Variants in RELN observed in about 807,000 individuals in gnomAD.
RELN encodes reelin.
In RELN, 108 loss-of-function variants were observed where a neutral mutation model predicts 427.6. The ratio of observed to expected loss-of-function variants is 0.25; its 90% confidence interval spans 0.22 to 0.30. The LOEUF (loss-of-function observed/expected upper bound fraction) is 0.30. RELN is among the 10% of genes least tolerant of loss of function. The pLI is 1.00. For synonymous variants in RELN, 1,524 were observed against 1,513.4 expected, an observed-to-expected ratio of 1.01 and a Z score of -0.16; for missense variants, 3,715 against 4,302.8, an observed-to-expected ratio of 0.86 and a Z score of 3.82.
chr7:103,518,641 T>C (rs1237730552), intron 49 of RELN, among the ~76,000 whole-genome samples: 1 of 151,930 alleles, frequency 6.6e-6, no homozygotes, highest in Non-Finnish European at 1.5e-5. Context: ...CAGCATGTGT[T>C]TCCTGTCTGG....
chr7:103,577,944 C>G (rs576923639), intron 28 of RELN, among the ~76,000 whole-genome samples: 1 of 152,322 alleles, frequency 6.6e-6, no homozygotes, highest in East Asian at 1.9e-4. Context: ...GCTTCAGGCT[C>G]TCTCACCTGG....
At chr7:103,761,658 A>G (rs1791303631) in intron 4 of RELN, among the ~76,000 whole-genome samples, 2 of 151,422 alleles carry the variant, frequency 1.3e-5, no homozygotes, top group Non-Finnish European at 1.5e-5. Context: ...ATCTTACCAC[A>G]TTGCCCAGGC....
chr7:103,603,155 T>C lies in RELN; in HGVS notation c.3333+149A>G, dbSNP rs911026836. 9 of 733,296 alleles carry C rather than the reference T, an allele frequency of 1.2e-5. No homozygotes were observed. The highest frequency in any genetic ancestry group is 4.4e-5 in the South Asian group (3 of 67,538). The allele number at this position is 733,296 out of a possible 1,614,324, so 45.4% of individuals were successfully genotyped here. A position where few individuals can be genotyped will look rare whatever the true frequency, so the allele number is the denominator to read the frequency against. The stretch of plus-strand genomic sequence containing the variant: ...AGAACAACAAGAATTTCCCAAGACA[T>C]AGCTAAGGAATAGGAATTTGATAGA... On this transcript the variant is annotated intron_variant, in intron 24 of 64. Coordinates refer to ENST00000428762, the MANE Select transcript of RELN (RefSeq NM_005045.4). This position sits in a 1 kb window ranked among gnomAD's most constrained non-coding sequence, Gnocchi z 4.3.
intron 4 of RELN, among the ~76,000 whole-genome samples, chr7:103,774,612 C>T (rs1451633002): frequency 6.6e-6 from 1 of 152,072 alleles, no homozygotes; most frequent in African/African-American, 2.4e-5. Context: ...TTACCCAATA[C>T]ATAAAAAATG....
Position 103,707,551 on chromosome 7 carries a change from T to C in RELN, c.806-6545A>G, listed in dbSNP as rs191681797. Among the ~76,000 whole-genome samples the C allele has an allele frequency of 5.1e-3, 772 of 151,186 alleles. 8 individuals carry two copies. Among genetic ancestry groups the C allele is most frequent in the South Asian group, 0.03 (145 of 4,782 alleles). On this transcript the variant is annotated intron_variant, in intron 8 of 64. Transcript: ENST00000428762. Reference sequence around the variant, plus strand: ...GTCTCGCTCTGTCGCCAGGCTGGAGTGCAATGGCGCGATCTCGGCTCACTG... The same window carrying C: ...GTCTCGCTCTGTCGCCAGGCTGGAGCGCAATGGCGCGATCTCGGCTCACTG...
At chr7:103,646,064 T>C (rs1304269728) in intron 16 of RELN, among the ~76,000 whole-genome samples, 1 of 151,458 alleles carries the variant, frequency 6.6e-6, no homozygotes, top group Admixed American at 6.6e-5. Flanking sequence ...ACACAGAAAT[T>C]AAAAAAAATT....
chr7:103,753,625 T>G lies in RELN; in HGVS notation c.545-411A>C, dbSNP rs187214774. ...AGCTTCAAGGAAAACAAGGGTTTAT[T>G]TGCAAACTAGCTGGAAAAGTAGGAA... On this transcript the variant is annotated intron_variant, in intron 4 of 64. Coordinates refer to ENST00000428762, the MANE Select transcript of RELN (RefSeq NM_005045.4). Among the ~76,000 whole-genome samples, 70 of 152,338 alleles carry G rather than the reference T, an allele frequency of 4.6e-4. No individual in the cohort carries two copies. In the South Asian group the frequency reaches 0.014, roughly 30 times the overall value.
In RELN at chr7:103,565,355, G is replaced by A. The variant is rs1442349887; in HGVS notation, c.5133C>T (p.Tyr1711=). ...CVPPTIGCLH[Y]TESSIYTSER... Reference sequence around the variant, plus strand: ...CCGAGGTGTAAATTGAACTTTCCGTGTAATGCAGACAGCCAATGGTTGGAG... The same window carrying A: ...CCGAGGTGTAAATTGAACTTTCCGTATAATGCAGACAGCCAATGGTTGGAG... Residue 1711 remains tyrosine (Y), a synonymous_variant, in exon 34 of 65, where the codon TAC becomes TAT. Coordinates refer to ENST00000428762, the MANE Select transcript of RELN (RefSeq NM_005045.4). The A allele has an allele frequency of 1.9e-6, 3 of 1,613,972 alleles. No individual in the cohort carries two copies. The highest frequency in any genetic ancestry group is 1.7e-5 in the Admixed American group (1 of 59,986).
At chr7:103,974,009 G>A (rs1796818780) in intron 1 of RELN, among the ~76,000 whole-genome samples, 1 of 152,122 alleles carries the variant, frequency 6.6e-6, no homozygotes, top group African/African-American at 2.4e-5. Flanking sequence ...CAGGCATGGT[G>A]GTGCATGCCT....
In RELN at chr7:103,885,531, G is replaced by T. The variant is rs149608625; in HGVS notation, c.337+31544C>A. 4.0e-3 allele frequency among the ~76,000 whole-genome samples: 602 copies of T among 152,176 alleles called. 23 individuals carry two copies. In the East Asian group the frequency reaches 0.072, roughly 18 times the overall value. On this transcript the variant is annotated intron_variant, in intron 2 of 64. Transcript: ENST00000428762. ...CATGTTCTTACTCATAAGTTGGAGT[G>T]GAACAATGAGAACACATGGACACAA...
At chr7:103,806,414 T>A (rs536471353) in intron 3 of RELN, among the ~76,000 whole-genome samples, 41 of 152,192 alleles carry the variant, frequency 2.7e-4, no homozygotes, top group African/African-American at 9.4e-4. Flanking sequence ...AACCTCCACC[T>A]CCTGGGTTCA....
chr7:103,736,360 T>C (rs1790492629), intron 6 of RELN, among the ~76,000 whole-genome samples: 1 of 152,250 alleles, frequency 6.6e-6, no homozygotes, highest in African/African-American at 2.4e-5. Flanking sequence ...ATCCTCTTTG[T>C]AAATGTGGAA....
intron 27 of RELN, among the ~76,000 whole-genome samples, chr7:103,593,021 A>G (rs1325765785): frequency 6.6e-6 from 1 of 152,208 alleles, no homozygotes; most frequent in African/African-American, 2.4e-5. Context: ...ATTATTTAGC[A>G]TCTGCATCCT....
intron 3 of RELN, among the ~76,000 whole-genome samples, chr7:103,797,915 G>A (rs1247495100): frequency 6.6e-6 from 1 of 152,184 alleles, no homozygotes; most frequent in Non-Finnish European, 1.5e-5. Flanking sequence ...CACTACATCT[G>A]ACAAAGTCAT....
rs1050663919 is a variant in RELN at position 103,700,091 on chromosome 7, AAG to A, written c.902+817_902+818del. ...ATAAAGAAAATAGCTAGTAGAAAAAAAGAGAGCTGTCACGAAACTGATAAGAA... is the reference window on the plus strand; with the variant it reads ...ATAAAGAAAATAGCTAGTAGAAAAAAAGAGCTGTCACGAAACTGATAAGAA... On this transcript the variant is annotated intron_variant, in intron 9 of 64. Transcript: ENST00000428762. 5.3e-5 allele frequency among the ~76,000 whole-genome samples: 8 copies of A among 152,114 alleles called. 2 individuals carry two copies. Among genetic ancestry groups the A allele is most frequent in the African/African-American group, 1.4e-4 (6 of 41,564 alleles).
chr7:103,906,044 G>A (rs370577041), intron 2 of RELN, among the ~76,000 whole-genome samples: 62 of 152,232 alleles, frequency 4.1e-4, no homozygotes, highest in African/African-American at 1.4e-3. Context: ...AGCTGTGTGT[G>A]GGTTATTTTA....
chr7:103,669,789 T>A (rs1833351082), intron 11 of RELN, among the ~76,000 whole-genome samples: 1 of 152,146 alleles, frequency 6.6e-6, no homozygotes, highest in East Asian at 1.9e-4. Context: ...TGAAGGAATG[T>A]CTGCCTGAGG....
intron 19 of RELN, 62 bp downstream of exon 19, chr7:103,635,363 T>A (rs1249923479): frequency 1.3e-6 from 2 of 1,554,366 alleles, no homozygotes; most frequent in African/African-American, 2.7e-5. Flanking sequence ...CCATTTGAAT[T>A]ATGATTTCCC....
intron 19 of RELN, 147 bp downstream of exon 19, chr7:103,635,278 G>A: frequency 1.3e-6 from 1 of 757,984 alleles, no homozygotes; most frequent in Non-Finnish European, 2.1e-6. Flanking sequence ...GGGTTGGCTT[G>A]GTAGTTTTTC....
Sources: allele counts gnomAD v4.1 joint callset (sites outside exome capture counted in the v4.1 genomes callset), GRCh38; gene constraint gnomAD v4.1.1; non-coding constraint Gnocchi (gnomAD v3.1); transcripts MANE v1.5; gene names NCBI Gene and HGNC (gene_info 2026-07-23, HGNC 2026-07-21).